The following CHST14 variants were observed in gnomAD, a reference collection of about 807,000 sequenced individuals.
CHST14 encodes the protein carbohydrate sulfotransferase 14.
A neutral mutation model predicts 22.7 loss-of-function variants in CHST14; 13 were observed. The ratio of observed to expected loss-of-function variants is 0.57; its 90% confidence interval spans 0.37 to 0.91. The LOEUF (loss-of-function observed/expected upper bound fraction) is 0.91, where lower values mean the gene tolerates loss of function less well. CHST14 is among the 40% of genes least tolerant of loss of function. CHST14 has a pLI of 0.01. For synonymous variants in CHST14, 233 were observed against 231.9 expected, an observed-to-expected ratio of 1.00 and a Z score of -0.04; for missense variants, 466 against 513.1, an observed-to-expected ratio of 0.91 and a Z score of 0.89.
Position 40,471,489 on chromosome 15 carries a change from C to T in CHST14, c.276C>T (p.Gly92=). The part of the protein sequence containing the change: ...AWRGKAPKPG[G]LSLRAGDADL... ...GCGGGAAAGCCCCCAAGCCTGGGGG[C>T]CTGTCCCTCAGGGCTGGGGACGCGG... is the stretch of plus-strand genomic sequence containing the variant. Residue 92 remains glycine (G), a synonymous_variant, in exon 1 of 1, where the codon GGC becomes GGT. Transcript: ENST00000306243. This position sits in a 1 kb window ranked among gnomAD's most constrained non-coding sequence, Gnocchi z 6.4. 2 of 1,600,074 alleles carry T rather than the reference C, an allele frequency of 1.2e-6. No individual in the cohort carries two copies. Among genetic ancestry groups the T allele is most frequent in the South Asian group, 1.1e-5 (1 of 90,468 alleles).
chr15:40,471,532 G>C lies in CHST14; in HGVS notation c.319G>C (p.Asp107His). 1.2e-6 allele frequency: 2 copies of C among 1,601,768 alleles called. No individual in the cohort carries two copies. Among genetic ancestry groups the C allele is most frequent in the Non-Finnish European group, 1.7e-6 (2 of 1,175,828 alleles). ...GGACGCGGACTTGCAAGTGCGGCAG[G>C]ACGTCCGGAACAGGACCCTGCGGGC... is the stretch of plus-strand genomic sequence containing the variant. Reference protein sequence around the residue: ...AGDADLQVRQDVRNRTLRAVC... With the variant: ...AGDADLQVRQHVRNRTLRAVC... Residue 107 changes from aspartate to histidine, a missense_variant, in exon 1 of 1, where the codon GAC (aspartate) becomes CAC (histidine). By Grantham distance (81) the Asp-to-His change is moderately conservative. Transcript: ENST00000306243. This position sits in a 1 kb window ranked among gnomAD's most constrained non-coding sequence, Gnocchi z 6.4.
In CHST14 at chr15:40,471,291, T is replaced by A. The variant is rs1035955777; in HGVS notation, c.78T>A (p.Pro26=). 6.6e-7 allele frequency: 1 copy of A among 1,526,714 alleles called. No homozygotes were observed. The highest frequency in any genetic ancestry group is 8.7e-7 in the Non-Finnish European group (1 of 1,143,106). The allele number at this position is 1,526,714 out of a possible 1,614,324, so 94.6% of individuals were successfully genotyped here. A position where few individuals can be genotyped will look rare whatever the true frequency, so the allele number is the denominator to read the frequency against. ...TGGGCCGGGCGCTGAGGCGGGCCCC[T>A]CTGGGCAGGGCCCGGGCGGGGCTGG... The part of the protein sequence containing the change: ...EPLGRALRRA[P]LGRARAGLGG... Residue 26 remains proline, a synonymous_variant, in exon 1 of 1, where the codon CCT becomes CCA. Coordinates refer to ENST00000306243, the MANE Select transcript of CHST14 (RefSeq NM_130468.4). This position sits in a 1 kb window ranked among gnomAD's most constrained non-coding sequence, Gnocchi z 6.4.
rs1456216342 is a variant in CHST14 at position 40,472,366 on chromosome 15, C to T, written c.*22C>T. The stretch of plus-strand genomic sequence containing the variant: ...GTGACCATGGGTGTGGGGCCAGCAG[C>T]TGGTGGGGACTGGTTTCAACGCCAG... On this transcript the variant is annotated 3_prime_UTR_variant, in exon 1 of 1. Transcript: ENST00000306243. 6.3e-7 allele frequency: 1 copy of T among 1,576,934 alleles called. No homozygotes were observed. Among genetic ancestry groups the T allele is most frequent in the African/African-American group, 1.4e-5 (1 of 73,702 alleles).
Position 40,472,309 on chromosome 15 carries a change from C to T in CHST14, c.1096C>T (p.Leu366=). 1 of 1,599,386 alleles carries T rather than the reference C, an allele frequency of 6.3e-7. No homozygotes were observed. ...GGACTTCTCCCTCTTTGCCTACCCA[C>T]TGCCTAATGTCACCAAGGAGGCGTG... ...ILDFSLFAYP[L]PNVTKEACQQ The change falls in exon 1 of 1, where the codon CTG becomes TTG. Residue 366 remains leucine (L), a synonymous_variant. Transcript: ENST00000306243.
Position 40,471,927 on chromosome 15 carries a change from G to C in CHST14, c.714G>C (p.Gly238=), listed in dbSNP as rs1178700672. ...GEIREYQQRY[G]AEIVRRYRAG... is the part of the protein sequence containing the mutation. The stretch of plus-strand genomic sequence containing the variant: ...TCCGAGAGTACCAGCAACGCTATGG[G>C]GCTGAGATAGTGAGGCGGTACAGGG... The change falls in exon 1 of 1, where the codon GGG becomes GGC. Residue 238 remains glycine (G), a synonymous_variant. Transcript: ENST00000306243. The surrounding 1 kb of genome is among the most constrained non-coding windows in gnomAD (Gnocchi z 6.4). 1 of 1,614,140 alleles carries C rather than the reference G, an allele frequency of 6.2e-7. No individual in the cohort carries two copies. The highest frequency in any genetic ancestry group is 8.5e-7 in the Non-Finnish European group (1 of 1,180,030).
Position 40,472,633 on chromosome 15 carries a change from G to A in CHST14, c.*289G>A, listed in dbSNP as rs182368672. The A allele has an allele frequency of 9.8e-5, 42 of 430,230 alleles. No homozygotes were observed. In the East Asian group the frequency reaches 1.4e-3, roughly 14 times the overall value. The allele number at this position is 430,230 out of a possible 1,614,324, so 26.7% of individuals were successfully genotyped here. A position where few individuals can be genotyped will look rare whatever the true frequency, so the allele number is the denominator to read the frequency against. ...GATCTAAAGACTGGCTCCAGACCCC[G>A]GGCTGCCAGGATTATGCAGTCCACT... On this transcript the variant is annotated 3_prime_UTR_variant, in exon 1 of 1. Coordinates refer to ENST00000306243, the MANE Select transcript of CHST14 (RefSeq NM_130468.4).
chr15:40,472,217 G>T lies in CHST14; in HGVS notation c.1004G>T (p.Ser335Ile). Reference protein sequence around the residue: ...QAWYRPASPESLHYHLCSAPR... With the variant: ...QAWYRPASPEILHYHLCSAPR... ...TGGTACCGGCCAGCCAGCCCCGAAA[G>T]CCTGCATTACCACTTGTGCAGTGCC... The change falls in exon 1 of 1, where the codon AGC (serine) becomes ATC (isoleucine). Residue 335 changes from serine (S) to isoleucine (I), a missense_variant. Transcript: ENST00000306243. 1.9e-6 allele frequency: 3 copies of T among 1,614,174 alleles called. No individual in the cohort carries two copies. The highest frequency in any genetic ancestry group is 1.1e-5 in the South Asian group (1 of 91,084).
In CHST14 at chr15:40,471,409, G is replaced by A. The variant is rs1394541294; in HGVS notation, c.196G>A (p.Ala66Thr). 18 of 1,557,936 alleles carry A rather than the reference G, an allele frequency of 1.2e-5. No homozygotes were observed. Among genetic ancestry groups the A allele is most frequent in the South Asian group, 8.2e-5 (7 of 85,734 alleles). The part of the protein sequence containing the change: ...LLLMIERGIL[A>T]EMKPLPLHPP... ...GCTCATGATCGAGCGGGGCATCCTG[G>A]CCGAGATGAAGCCCCTGCCCCTGCA... Residue 66 changes from alanine to threonine, a missense_variant, in exon 1 of 1, where the codon GCC becomes ACC. By Grantham distance (58) the Ala-to-Thr change is moderately conservative. Transcript: ENST00000306243. The surrounding 1 kb of genome is among the most constrained non-coding windows in gnomAD (Gnocchi z 6.4).
rs999093521 is a variant in CHST14 at position 40,471,565 on chromosome 15, G to A, written c.352G>A (p.Gly118Arg). ...VRNRTLRAVC[G>R]QPGMPRDPWD... ...GAACAGGACCCTGCGGGCGGTGTGCGGACAGCCAGGCATGCCCCGGGACCC... is the reference window on the plus strand; with the variant it reads ...GAACAGGACCCTGCGGGCGGTGTGCAGACAGCCAGGCATGCCCCGGGACCC... The change falls in exon 1 of 1, where the codon GGA becomes AGA. Residue 118 changes from glycine (G) to arginine (R), a missense_variant. Transcript: ENST00000306243. This position sits in a 1 kb window ranked among gnomAD's most constrained non-coding sequence, Gnocchi z 6.4. 1 of 1,607,374 alleles carries A rather than the reference G, an allele frequency of 6.2e-7. No individual in the cohort carries two copies. The highest frequency in any genetic ancestry group is 8.5e-7 in the Non-Finnish European group (1 of 1,178,000).
In CHST14 at chr15:40,472,448, C is replaced by G; in HGVS notation, c.*104C>G. On this transcript the variant is annotated 3_prime_UTR_variant, in exon 1 of 1. Coordinates refer to ENST00000306243, the MANE Select transcript of CHST14 (RefSeq NM_130468.4). ...ACTCTGGCTCTGGGGCTTGGGGCTT[C>G]TCAGGATCCTGGATGGCAGAGACTG... is the stretch of plus-strand genomic sequence containing the variant. 7.5e-7 allele frequency: 1 copy of G among 1,341,604 alleles called. No individual in the cohort carries two copies. Among genetic ancestry groups the G allele is most frequent in the Admixed American group, 2.3e-5 (1 of 43,928 alleles). The allele number at this position is 1,341,604 out of a possible 1,614,324, so 83.1% of individuals were successfully genotyped here.
chr15:40,471,726 C>T lies in CHST14; in HGVS notation c.513C>T (p.Gly171=), dbSNP rs1460337812. The stretch of plus-strand genomic sequence containing the variant: ...AGCGGGTGATGAAGGTGCTGGCAGG[C>T]GTCCTGGACAGCGTGGACGTCCGCC... ...NWKRVMKVLA[G]VLDSVDVRLK... Residue 171 remains glycine, a synonymous_variant, in exon 1 of 1, where the codon GGC becomes GGT. Transcript: ENST00000306243. The surrounding 1 kb of genome is among the most constrained non-coding windows in gnomAD (Gnocchi z 6.4). 10 of 1,613,406 alleles carry T rather than the reference C, an allele frequency of 6.2e-6. No individual in the cohort carries two copies. Among genetic ancestry groups the T allele is most frequent in the Non-Finnish European group, 7.6e-6 (9 of 1,180,028 alleles).
chr15:40,472,450 C>G lies in CHST14; in HGVS notation c.*106C>G. 1 of 1,335,076 alleles carries G rather than the reference C, an allele frequency of 7.5e-7. No individual in the cohort carries two copies. Among genetic ancestry groups the G allele is most frequent in the Admixed American group, 2.3e-5 (1 of 43,836 alleles). 82.7% of individuals were successfully genotyped at this position (1,335,076 alleles called of 1,614,324 possible). On this transcript the variant is annotated 3_prime_UTR_variant, in exon 1 of 1. Coordinates refer to ENST00000306243, the MANE Select transcript of CHST14 (RefSeq NM_130468.4). ...TCTGGCTCTGGGGCTTGGGGCTTCTCAGGATCCTGGATGGCAGAGACTGCC... is the reference window on the plus strand; with the variant it reads ...TCTGGCTCTGGGGCTTGGGGCTTCTGAGGATCCTGGATGGCAGAGACTGCC...
rs890948565 is a variant in CHST14 at position 40,471,918 on chromosome 15, A to C, written c.705A>C (p.Gln235His). The change falls in exon 1 of 1, where the codon CAA becomes CAC. Residue 235 changes from glutamine (Q) to histidine (H), a missense_variant. Physicochemically the swap from Gln to His is conservative, Grantham distance 24. Transcript: ENST00000306243. This position sits in a 1 kb window ranked among gnomAD's most constrained non-coding sequence, Gnocchi z 6.4. Reference sequence around the variant, plus strand: ...TTGGCGAGATCCGAGAGTACCAGCAACGCTATGGGGCTGAGATAGTGAGGC... The same window carrying C: ...TTGGCGAGATCCGAGAGTACCAGCACCGCTATGGGGCTGAGATAGTGAGGC... Reference protein sequence around the residue: ...NKFGEIREYQQRYGAEIVRRY... With the variant: ...NKFGEIREYQHRYGAEIVRRY... 1 of 1,613,950 alleles carries C rather than the reference A, an allele frequency of 6.2e-7. No individual in the cohort carries two copies. The highest frequency in any genetic ancestry group is 8.5e-7 in the Non-Finnish European group (1 of 1,180,012).
At position 40,471,725 on chromosome 15, in the gene CHST14, G is replaced by A. The variant is rs1894350741; in HGVS notation, c.512G>A (p.Gly171Asp). ...AAGCGGGTGATGAAGGTGCTGGCAGGCGTCCTGGACAGCGTGGACGTCCGC... is the reference window on the plus strand; with the variant it reads ...AAGCGGGTGATGAAGGTGCTGGCAGACGTCCTGGACAGCGTGGACGTCCGC... ...NWKRVMKVLAGVLDSVDVRLK... is the reference protein window; with the variant it reads ...NWKRVMKVLADVLDSVDVRLK... Residue 171 changes from glycine (G) to aspartate (D), a missense_variant, in exon 1 of 1, where the codon GGC becomes GAC. Gly to Asp is a moderately conservative substitution (Grantham distance 94). Transcript: ENST00000306243. This position sits in a 1 kb window ranked among gnomAD's most constrained non-coding sequence, Gnocchi z 6.4. The A allele has an allele frequency of 1.9e-6, 3 of 1,613,558 alleles. No homozygotes were observed. Among genetic ancestry groups the A allele is most frequent in the Middle Eastern group, 3.3e-4 (2 of 6,062 alleles).
chr15:40,472,619 T>C lies in CHST14; in HGVS notation c.*275T>C. On this transcript the variant is annotated 3_prime_UTR_variant, in exon 1 of 1. Coordinates refer to ENST00000306243, the MANE Select transcript of CHST14 (RefSeq NM_130468.4). Reference sequence around the variant, plus strand: ...GAAGCAACACATCTGATCTAAAGACTGGCTCCAGACCCCGGGCTGCCAGGA... The same window carrying C: ...GAAGCAACACATCTGATCTAAAGACCGGCTCCAGACCCCGGGCTGCCAGGA... 2.1e-6 allele frequency: 1 copy of C among 467,144 alleles called. No individual in the cohort carries two copies. Among genetic ancestry groups the C allele is most frequent in the Non-Finnish European group, 3.9e-6 (1 of 253,484 alleles). The allele number at this position is 467,144 out of a possible 1,614,324, so 28.9% of individuals were successfully genotyped here. A position where few individuals can be genotyped will look rare whatever the true frequency, so the allele number is the denominator to read the frequency against.
rs1175539215 is a variant in CHST14, at chr15:40,471,603, G to C, written c.390G>C (p.Pro130=). 1 of 1,612,612 alleles carries C rather than the reference G, an allele frequency of 6.2e-7. No individual in the cohort carries two copies. The highest frequency in any genetic ancestry group is 8.5e-7 in the Non-Finnish European group (1 of 1,179,896). ...PGMPRDPWDL[P]VGQRRTLLRH... ...TGCCCCGGGACCCCTGGGACTTGCC[G>C]GTGGGGCAGCGGCGCACCCTGCTGC... Residue 130 remains proline (P), a synonymous_variant, in exon 1 of 1, where the codon CCG becomes CCC. Coordinates refer to ENST00000306243, the MANE Select transcript of CHST14 (RefSeq NM_130468.4). This position sits in a 1 kb window ranked among gnomAD's most constrained non-coding sequence, Gnocchi z 6.4.
chr15:40,471,355 G>A lies in CHST14; in HGVS notation c.142G>A (p.Ala48Thr), dbSNP rs1330509868. 2 of 1,553,108 alleles carry A rather than the reference G, an allele frequency of 1.3e-6. No homozygotes were observed. Among genetic ancestry groups the A allele is most frequent in the Admixed American group, 3.8e-5 (2 of 52,694 alleles). ...GCTGCTGCCGTCCATGCTGATGTTTGCGGTGATCGTGGCCTCCAGCGGGCT... is the reference window on the plus strand; with the variant it reads ...GCTGCTGCCGTCCATGCTGATGTTTACGGTGATCGTGGCCTCCAGCGGGCT... The part of the protein sequence containing the change: ...PLLLPSMLMF[A>T]VIVASSGLLL... The change falls in exon 1 of 1, where the codon GCG (alanine) becomes ACG (threonine). Residue 48 changes from alanine to threonine, a missense_variant. Ala to Thr is a moderately conservative substitution (Grantham distance 58). Coordinates refer to ENST00000306243, the MANE Select transcript of CHST14 (RefSeq NM_130468.4). The surrounding 1 kb of genome is among the most constrained non-coding windows in gnomAD (Gnocchi z 6.4).
chr15:40,471,218 TC>T lies in CHST14; in HGVS notation c.10del (p.Arg4AlafsTer3). 4.3e-6 allele frequency: 6 copies of T among 1,400,876 alleles called. No homozygotes were observed. Among genetic ancestry groups the T allele is most frequent in the South Asian group, 3.2e-5 (2 of 63,444 alleles). The allele number at this position is 1,400,876 out of a possible 1,614,324, so 86.8% of individuals were successfully genotyped here. M[F>X]PRPLTPLAAP... Reference sequence around the variant, plus strand: ...GGCCCCCACCCCTTGAGCACCATGTTCCCCCGCCCGCTGACCCCGCTGGCGG... The same window carrying T: ...GGCCCCCACCCCTTGAGCACCATGTTCCCCGCCCGCTGACCCCGCTGGCGG... On this transcript the variant is annotated frameshift_variant, in exon 1 of 1. Transcript: ENST00000306243. LOFTEE classifies it high-confidence loss of function. The surrounding 1 kb of genome is among the most constrained non-coding windows in gnomAD (Gnocchi z 6.4).
chr15:40,472,468 A>T lies in CHST14; in HGVS notation c.*124A>T. The T allele has an allele frequency of 8.7e-7, 1 of 1,153,132 alleles. No homozygotes were observed. The highest frequency in any genetic ancestry group is 1.2e-6 in the Non-Finnish European group (1 of 807,682). 71.4% of individuals were successfully genotyped at this position (1,153,132 alleles called of 1,614,324 possible). The stretch of plus-strand genomic sequence containing the variant: ...GGCTTCTCAGGATCCTGGATGGCAG[A>T]GACTGCCCTCAGAAGTTCCTTGTCC... On this transcript the variant is annotated 3_prime_UTR_variant, in exon 1 of 1. Coordinates refer to ENST00000306243, the MANE Select transcript of CHST14 (RefSeq NM_130468.4).
Sources: allele counts gnomAD v4.1 joint callset, GRCh38; gene constraint gnomAD v4.1.1; non-coding constraint Gnocchi (gnomAD v3.1); transcripts MANE v1.5; gene names NCBI Gene and HGNC (gene_info 2026-07-23, HGNC 2026-07-21).